BRD3: variants seen among roughly 807,000 people sequenced by gnomAD.
BRD3 encodes bromodomain containing 3.
Under a neutral mutation model 66.8 loss-of-function variants are expected in BRD3, and 17 were observed. The ratio of observed to expected loss-of-function variants is 0.25; its 90% CI spans 0.17 to 0.38. BRD3 has a LOEUF of 0.38. BRD3 is among the 10% of genes least tolerant of loss of function. BRD3 has a pLI of 1.00. For missense variants in BRD3, 713 were observed against 956.1 expected, an observed-to-expected ratio of 0.75 and a Z score of 3.35; for synonymous variants, 421 against 393.2, an observed-to-expected ratio of 1.07 and a Z score of -0.84.
At position 134,050,396 on chromosome 9, in the gene BRD3, G is replaced by A. The variant is rs1177882714; in HGVS notation, c.692C>T (p.Pro231Leu). Residue 231 changes from proline to leucine, a missense_variant, in exon 5 of 12, where the codon CCT becomes CTT. Transcript: ENST00000303407. The part of the protein sequence containing the change: ...PPATPIVPVV[P>L]PTPPVVKKKG... ...CACCTTGACGACAGGCGGCGTAGGA[G>A]GGACCACGGGGACGATGGGTGTGGC... 1.9e-6 allele frequency: 3 copies of A among 1,611,710 alleles called. No individual in the cohort carries two copies. The highest frequency in any genetic ancestry group is 1.7e-6 in the Non-Finnish European group (2 of 1,179,646).
At chr9:134,040,389 A>G in intron 8 of BRD3, 120 bp from the exon 9 acceptor site, 1 of 1,152,076 alleles carries the variant, frequency 8.7e-7, no homozygotes, top group Non-Finnish European at 1.2e-6. Context: ...CTGGGTGAGG[A>G]GGTGAACCAG....
chr9:134,047,462 G>A (rs748007941), intron 6 of BRD3, among the ~76,000 whole-genome samples: 4 of 152,170 alleles, frequency 2.6e-5, no homozygotes, highest in Non-Finnish European at 4.4e-5. Context: ...CTCAAATGCC[G>A]CACCCACCAC....
At chr9:134,049,485 C>G (rs1446611725) in intron 5 of BRD3, among the ~76,000 whole-genome samples, 2 of 152,218 alleles carry the variant, frequency 1.3e-5, no homozygotes, top group African/African-American at 4.8e-5. Context: ...TGGCAGGCAC[C>G]CACGTGCTGC....
chr9:134,060,611 C>CACACACACACACACACAT (rs72201551), intron 1 of BRD3, among the ~76,000 whole-genome samples: 1 of 151,614 alleles, frequency 6.6e-6, no homozygotes, highest in Admixed American at 6.6e-5. Flanking sequence ...CACACACACA[C>CACACACACACACACACAT]ACACACACAC....
chr9:134,052,275 C>T (rs1830321890), intron 3 of BRD3, 31 bp downstream of exon 3: 3 of 1,608,904 alleles, frequency 1.9e-6, no homozygotes, highest in East Asian at 2.2e-5. Context: ...ATCCTTACTG[C>T]AAGCGGCGTG....
rs200946674 is a variant in BRD3, at chr9:134,048,352, C to A, written c.817G>T (p.Ala273Ser). Residue 273 changes from alanine to serine, a missense_variant, in exon 6 of 12, where the codon GCC (alanine) becomes TCC (serine). Ala to Ser is a moderately conservative substitution (Grantham distance 99). Around this residue, in one of 5 missense-constraint regions of BRD3, gnomAD observed 418 missense variants for 609.3 expected, o/e 0.69. Coordinates refer to ENST00000303407, the MANE Select transcript of BRD3 (RefSeq NM_007371.4). Reference sequence around the variant, plus strand: ...CTCTCCCGCCGGGCCACCACTTTGGCCTGCTTGGGGTCTGACAACGGCGGG... The same window carrying A: ...CTCTCCCGCCGGGCCACCACTTTGGACTGCTTGGGGTCTGACAACGGCGGG... ...SPPPLSDPKQ[A>S]KVVARRESGG... 4 of 1,599,290 alleles carry A rather than the reference C, an allele frequency of 2.5e-6. No homozygotes were observed. Among genetic ancestry groups the A allele is most frequent in the Non-Finnish European group, 3.4e-6 (4 of 1,179,856 alleles).
chr9:134,047,873 C>G (rs1830208648), intron 6 of BRD3: 1 of 586,698 alleles, frequency 1.7e-6, no homozygotes, highest in African/African-American at 1.9e-5. Context: ...AACAGAGCCA[C>G]AGACTCCGGG....
chr9:134,062,282 G>A (rs949307627), intron 1 of BRD3, among the ~76,000 whole-genome samples: 5 of 152,158 alleles, frequency 3.3e-5, no homozygotes, highest in Non-Finnish European at 7.4e-5. Flanking sequence ...GGAGGGCCCG[G>A]CTCTACAGGC....
chr9:134,057,451 G>C (rs1186737458), intron 1 of BRD3: 7 of 152,258 alleles, frequency 4.6e-5, no homozygotes, highest in Non-Finnish European at 1.0e-4. Context: ...GGTGAGGTGG[G>C]AGCAGACAGT....
intron 1 of BRD3, among the ~76,000 whole-genome samples, chr9:134,060,811 C>T (rs941948785): frequency 4.6e-5 from 7 of 152,192 alleles, no homozygotes; most frequent in Non-Finnish European, 7.3e-5. Context: ...TGCTGTGTGG[C>T]CCCAGGCAGG....
chr9:134,066,769 G>A (rs1830667095), intron 1 of BRD3, among the ~76,000 whole-genome samples: 1 of 152,190 alleles, frequency 6.6e-6, no homozygotes, highest in South Asian at 2.1e-4. Flanking sequence ...GTTAACTTTT[G>A]CAGACAATGA....
Position 134,036,207 on chromosome 9 carries a change from C to T in BRD3, c.1761G>A (p.Leu587=), listed in dbSNP as rs1829908077. The T allele has an allele frequency of 1.2e-6, 2 of 1,614,122 alleles. No individual in the cohort carries two copies. The highest frequency in any genetic ancestry group is 2.2e-5 in the South Asian group (2 of 91,094). ...KRQLSLDINR[L]PGEKLGRVVH... ...CTACCCGGCCCAGCTTCTCCCCGGG[C>T]AGCCGGTTGATGTCCAGGCTAAGCT... Residue 587 remains leucine, a synonymous_variant, in exon 10 of 12, where the codon CTG becomes CTA. Coordinates refer to ENST00000303407, the MANE Select transcript of BRD3 (RefSeq NM_007371.4).
At chr9:134,051,868 TG>T (rs1564555749) in intron 3 of BRD3, among the ~76,000 whole-genome samples, 159 bp from the exon 4 acceptor site, 1,928 of 113,940 alleles carry the variant, frequency 0.017, 108 homozygotes, top group African/African-American at 0.07. Context: ...TGTGTGTGTG[TG>T]TGTGTGTGTT....
At position 134,033,803 on chromosome 9, in the gene BRD3, G is replaced by A. The variant is rs113906950; in HGVS notation, c.2066-98C>T. On this transcript the variant is annotated intron_variant, in intron 11 of 11. Transcript: ENST00000303407. This position sits in a 1 kb window ranked among gnomAD's most constrained non-coding sequence, Gnocchi z 5.1. ...CCAGCGTGACACCATCACACTGGGT[G>A]CCACGACCCACCCACTTCCTGACCC... 3.9e-4 allele frequency: 240 copies of A among 615,530 alleles called. 1 individual carries two copies. Among genetic ancestry groups the A allele is most frequent in the Non-Finnish European group, 5.6e-4 (191 of 339,880 alleles). The allele number at this position is 615,530 out of a possible 1,614,324, so 38.1% of individuals were successfully genotyped here.
intron 1 of BRD3, among the ~76,000 whole-genome samples, chr9:134,056,462 A>G (rs1010649685): frequency 2.6e-5 from 4 of 152,168 alleles, no homozygotes; most frequent in Admixed American, 1.3e-4. Context: ...TACACCCCAC[A>G]CACTCAGATT....
Position 134,048,301 on chromosome 9 carries a change from T to C in BRD3, c.868A>G (p.Lys290Glu). ...ESGGRPIKPPKKDLEDGEVPQ... is the reference protein window; with the variant it reads ...ESGGRPIKPPEKDLEDGEVPQ... ...ACCTCGCCGTCCTCCAGGTCCTTCT[T>C]GGGAGGCTTGATGGGGCGGCCACCA... Residue 290 changes from lysine to glutamate, a missense_variant, in exon 6 of 12, where the codon AAG becomes GAG. Physicochemically the swap from Lys to Glu is moderately conservative, Grantham distance 56. Coordinates refer to ENST00000303407, the MANE Select transcript of BRD3 (RefSeq NM_007371.4). 6.2e-7 allele frequency: 1 copy of C among 1,603,388 alleles called. No individual in the cohort carries two copies. Among genetic ancestry groups the C allele is most frequent in the Non-Finnish European group, 8.5e-7 (1 of 1,178,688 alleles).
intron 10 of BRD3, 120 bp downstream of exon 10, chr9:134,035,910 CCA>C: frequency 1.5e-6 from 2 of 1,350,642 alleles, no homozygotes; most frequent in Admixed American, 2.7e-5. Context: ...GACGAAGGAG[CCA>C]AGACAGCGTG....
chr9:134,040,591 G>A (rs553552789), intron 8 of BRD3, among the ~76,000 whole-genome samples: 77 of 152,316 alleles, frequency 5.1e-4, no homozygotes, highest in African/African-American at 1.8e-3. Context: ...CTTTAAGTTC[G>A]GGGATACATG....
chr9:134,030,868 G>A lies in BRD3; in HGVS notation c.*2722C>T, dbSNP rs544686321. 3.9e-5 allele frequency: 9 copies of A among 231,824 alleles called. No homozygotes were observed. In the South Asian group the frequency reaches 7.3e-4, roughly 19 times the overall value. The allele number at this position is 231,824 out of a possible 1,614,324, so 14.4% of individuals were successfully genotyped here. A position where few individuals can be genotyped will look rare whatever the true frequency, so the allele number is the denominator to read the frequency against. Reference sequence around the variant, plus strand: ...TCAGAGTGTTCTCAAATCCAATTCCGACACACGACTTGTCACTACTCCTCT... The same window carrying A: ...TCAGAGTGTTCTCAAATCCAATTCCAACACACGACTTGTCACTACTCCTCT... On this transcript the variant is annotated 3_prime_UTR_variant, in exon 12 of 12. Transcript: ENST00000303407.
Sources: allele counts gnomAD v4.1 joint callset (sites outside exome capture counted in the v4.1 genomes callset), GRCh38; gene constraint gnomAD v4.1.1; regional missense constraint gnomAD v4.1.1; non-coding constraint Gnocchi (gnomAD v3.1); transcripts MANE v1.5; gene names NCBI Gene and HGNC (gene_info 2026-07-23, HGNC 2026-07-21).